The following SDK1 variants were observed in gnomAD, a reference collection of about 807,000 sequenced individuals.
SDK1 encodes the protein sidekick cell adhesion molecule 1, also known as protein sidekick-1.
Under a neutral mutation model 245.5 loss-of-function variants are expected in SDK1, and 157 were observed. The observed-to-expected ratio is 0.64, with a 90% CI of 0.56 to 0.73. The LOEUF is 0.73. SDK1 is among the 30% of genes least tolerant of loss of function. The pLI is 0.00. For synonymous variants in SDK1, 1,647 were observed against 1,278.5 expected (o/e 1.29, Z -6.15); for missense variants, 3,583 against 3,002.3 (o/e 1.19, Z -4.52).
rs536874215 is a variant in SDK1, at chr7:3,989,427, T to G, written c.2131+2105T>G. 4.6e-5 allele frequency among the ~76,000 whole-genome samples: 7 copies of G among 152,244 alleles called. No individual in the cohort carries two copies. The East Asian group carries it at 7.7e-4, about 17-fold the overall frequency. On this transcript the variant is annotated intron_variant, in intron 14 of 44. Transcript: ENST00000404826. ...ATGGGAGTTCAAGATGAGATTTGGG[T>G]GGGGACACAGGTGACCCACATCACC...
intron 1 of SDK1, among the ~76,000 whole-genome samples, chr7:3,508,569 A>G (rs771804726): frequency 2.0e-5 from 3 of 151,906 alleles, no homozygotes; most frequent in Non-Finnish European, 2.9e-5. Flanking sequence ...CTCAAATGAT[A>G]TACCCGCCTG....
intron 19 of SDK1, 67 bp downstream of exon 19, chr7:4,051,897 A>G (rs1220211211): frequency 4.2e-6 from 6 of 1,445,638 alleles, no homozygotes; most frequent in Non-Finnish European, 5.7e-6. Context: ...TGCAACTTCC[A>G]GAATCAGGCA....
chr7:3,324,053 G>C (rs1198168624), intron 1 of SDK1, among the ~76,000 whole-genome samples: 4 of 148,944 alleles, frequency 2.7e-5, no homozygotes, highest in Non-Finnish European at 4.5e-5. Flanking sequence ...TGAGAGAAAT[G>C]AGTGTAAATG....
intron 5 of SDK1, among the ~76,000 whole-genome samples, chr7:3,829,973 A>G (rs779287687): frequency 2.6e-5 from 4 of 152,200 alleles, no homozygotes; most frequent in Non-Finnish European, 5.9e-5. Context: ...GCATCAGAAC[A>G]ATAAGTCACA....
At chr7:3,842,420 G>A (rs1780180864) in intron 5 of SDK1, among the ~76,000 whole-genome samples, 2 of 152,260 alleles carry the variant, frequency 1.3e-5, no homozygotes, top group Admixed American at 1.3e-4. Context: ...CACTGTATTG[G>A]CATGGGTACT....
intron 5 of SDK1, among the ~76,000 whole-genome samples, chr7:3,856,581 A>T (rs1363188161): frequency 4.0e-5 from 6 of 151,654 alleles, no homozygotes; most frequent in Non-Finnish European, 8.8e-5. Flanking sequence ...ACCTGAGATC[A>T]GGAGTTCAAG....
At chr7:4,244,126 C>G (rs1004827241) in intron 43 of SDK1, among the ~76,000 whole-genome samples, 3 of 152,152 alleles carry the variant, frequency 2.0e-5, no homozygotes, top group Non-Finnish European at 4.4e-5. Flanking sequence ...GACACAAAAC[C>G]AGAGGTCTCC....
chr7:4,047,763 C>T (rs529396557), intron 17 of SDK1, among the ~76,000 whole-genome samples: 35 of 152,300 alleles, frequency 2.3e-4, no homozygotes, highest in Middle Eastern at 3.4e-3. Flanking sequence ...CTTGTGTTTC[C>T]GACCACCTGG....
intron 1 of SDK1, among the ~76,000 whole-genome samples, chr7:3,500,551 GT>G (rs1782164701): frequency 6.6e-6 from 1 of 151,996 alleles, no homozygotes; most frequent in African/African-American, 2.4e-5. Context: ...TGATCTTGCT[GT>G]TTTTCTCTGA....
chr7:3,346,813 A>G (rs1455571611), intron 1 of SDK1, among the ~76,000 whole-genome samples: 78 of 45,148 alleles, frequency 1.7e-3, no homozygotes, highest in Non-Finnish European at 2.6e-3. Context: ...GTGTGTATAT[A>G]TATATATATA....
chr7:4,126,337 A>G (rs1476975193), intron 25 of SDK1, among the ~76,000 whole-genome samples: 2 of 152,398 alleles, frequency 1.3e-5, no homozygotes, highest in East Asian at 1.9e-4. Context: ...GCTTTTATAC[A>G]TATTATATCT....
At chr7:4,251,624 G>C (rs953054073) in intron 44 of SDK1, among the ~76,000 whole-genome samples, 1 of 152,234 alleles carries the variant, frequency 6.6e-6, no homozygotes, top group Non-Finnish European at 1.5e-5. Flanking sequence ...ACTCCAGAAA[G>C]AAAGCAGGTG....
chr7:3,745,271 G>T (rs780874163), intron 4 of SDK1, among the ~76,000 whole-genome samples: 1 of 152,118 alleles, frequency 6.6e-6, no homozygotes, highest in Non-Finnish European at 1.5e-5. Context: ...AATCATAAGT[G>T]AAATCCTAAA....
chr7:4,222,346 G>T (rs984395644), intron 40 of SDK1, among the ~76,000 whole-genome samples: 10 of 152,136 alleles, frequency 6.6e-5, no homozygotes, highest in Admixed American at 6.6e-4. Flanking sequence ...CCAGCCTGGA[G>T]TGCAGTGGTG....
At position 3,418,145 on chromosome 7, in the gene SDK1, G is replaced by GAAAAAAAAAAAAAAAAA. The variant is rs200914826; in HGVS notation, c.298+116268_298+116284dup. On this transcript the variant is annotated intron_variant, in intron 1 of 44. Coordinates refer to ENST00000404826, the MANE Select transcript of SDK1 (RefSeq NM_152744.4). ...GTGAAACCCGATCTCTACTAAAAAT[G>GAAAAAAAAAAAAAAAAA]AAAAAAAAAAAAAAAAAAAAAAATA... Among the ~76,000 whole-genome samples the GAAAAAAAAAAAAAAAAA allele has an allele frequency of 2.5e-4, 30 of 119,724 alleles. 2 individuals carry two copies. Among genetic ancestry groups the GAAAAAAAAAAAAAAAAA allele is most frequent in the African/African-American group, 1.1e-3 (28 of 25,782 alleles). The allele number at this position is 119,724 out of a possible 152,430, so 78.5% of individuals were successfully genotyped here. A position where few individuals can be genotyped will look rare whatever the true frequency, so the allele number is the denominator to read the frequency against.
intron 4 of SDK1, among the ~76,000 whole-genome samples, chr7:3,653,624 G>A (rs1783073465): frequency 6.6e-6 from 1 of 152,160 alleles, no homozygotes; most frequent in South Asian, 2.1e-4. Context: ...AACCTCAGTA[G>A]GGAACAGCAT....
intron 25 of SDK1, 113 bp from the exon 26 acceptor site, chr7:4,127,268 C>T: frequency 1.3e-6 from 1 of 783,024 alleles, no homozygotes; most frequent in Admixed American, 1.8e-5. Context: ...CTACAAAATG[C>T]TTAGAATACG....
rs185726105 is a variant in SDK1 at position 3,644,516 on chromosome 7, G to A, written c.713+2411G>A. On this transcript the variant is annotated intron_variant, in intron 4 of 44. Transcript: ENST00000404826. ...GCGGTGGCTTGTTCCTGTAATCTCG[G>A]CACTTTAGGATGCTGATTGCTTGAG... 2.5e-3 allele frequency among the ~76,000 whole-genome samples: 373 copies of A among 151,408 alleles called. 4 individuals carry two copies. The highest frequency in any genetic ancestry group is 0.018 in the South Asian group (84 of 4,774).
chr7:3,409,309 T>C (rs1438732377), intron 1 of SDK1, among the ~76,000 whole-genome samples: 1 of 151,150 alleles, frequency 6.6e-6, no homozygotes, highest in Non-Finnish European at 1.5e-5. Context: ...TTTTTTTTTT[T>C]TTTTGGATGC....
Sources: gnomAD v4.1 joint callset for allele counts (sites outside exome capture counted in the v4.1 genomes callset) on GRCh38, gnomAD v4.1.1 for gene constraint, MANE v1.5 for transcripts, NCBI Gene and HGNC (gene_info 2026-07-23, HGNC 2026-07-21) for gene names.